Variants in N4BP2L2 observed in about 807,000 individuals in gnomAD.
N4BP2L2 encodes the protein NEDD4 binding protein 2 like 2.
A neutral mutation model predicts 56.2 loss-of-function variants in N4BP2L2; 50 were observed. That is an observed-to-expected ratio of 0.89 (90% CI 0.71 to 1.13). The LOEUF (loss-of-function observed/expected upper bound fraction) is 1.13, where lower values mean the gene tolerates loss of function less well. N4BP2L2 is among the 50% of genes most tolerant of loss of function. N4BP2L2 has a pLI of 0.00. For missense variants in N4BP2L2, 689 were observed against 693.8 expected (o/e 0.99, Z 0.08); for synonymous variants, 203 against 223.6 (o/e 0.91, Z 0.82).
chr13:32,499,019 T>A (rs1225354143), intron 6 of N4BP2L2, among the ~76,000 whole-genome samples: 1 of 151,540 alleles, frequency 6.6e-6, no homozygotes, highest in Non-Finnish European at 1.5e-5. Flanking sequence ...AAATTAAAAT[T>A]TAAAAAAGAA....
At chr13:32,503,172 CAAAAA>C (rs35773755) in intron 6 of N4BP2L2, among the ~76,000 whole-genome samples, 8 of 57,992 alleles carry the variant, frequency 1.4e-4, no homozygotes, top group Admixed American at 2.4e-4. Context: ...GACTCTGTAG[CAAAAA>C]AAAAAAAAAA....
chr13:32,449,001 C>T (rs1338433372), intron 6 of N4BP2L2, among the ~76,000 whole-genome samples: 1 of 152,156 alleles, frequency 6.6e-6, no homozygotes. Context: ...AATACCCCTC[C>T]TTGCAAAGTT....
At chr13:32,433,971 A>G (rs2075148514) in intron 9 of N4BP2L2, among the ~76,000 whole-genome samples, 1 of 151,042 alleles carries the variant, frequency 6.6e-6, no homozygotes, top group Non-Finnish European at 1.5e-5. Flanking sequence ...GAAAAAAAGA[A>G]AGGCAATGCT....
exon 2 of N4BP2L2, chr13:32,536,243 G>A (rs756001580): frequency 3.1e-6 from 5 of 1,613,764 alleles, no homozygotes; most frequent in Non-Finnish European, 4.2e-6. Context: ...CCTGAAAGAA[G>A]TAAATGAAGT....
intron 9 of N4BP2L2, among the ~76,000 whole-genome samples, chr13:32,435,457 C>T (rs1052725127): frequency 1.3e-5 from 2 of 152,204 alleles, no homozygotes; most frequent in Admixed American, 1.3e-4. Context: ...TGGTCTCGAA[C>T]TCCTGACTTC....
At chr13:32,471,921 G>A (rs777554324) in intron 6 of N4BP2L2, among the ~76,000 whole-genome samples, 2 of 152,144 alleles carry the variant, frequency 1.3e-5, no homozygotes, top group Non-Finnish European at 1.5e-5. Flanking sequence ...CTCACAAAAC[G>A]ATATCTAAGA....
intron 2 of N4BP2L2, among the ~76,000 whole-genome samples, chr13:32,528,294 T>G (rs897559672): frequency 1.3e-5 from 2 of 152,306 alleles, no homozygotes; most frequent in Non-Finnish European, 2.9e-5. Flanking sequence ...CTCATTTCCA[T>G]GAAGCATATA....
intron 8 of N4BP2L2, among the ~76,000 whole-genome samples, chr13:32,438,388 T>C (rs1305954357): frequency 6.6e-6 from 1 of 152,180 alleles, no homozygotes; most frequent in Non-Finnish European, 1.5e-5. Flanking sequence ...AAAAAGTTAA[T>C]CTCATAGAAG....
At chr13:32,481,118 CAAAAAAAAAAAAAAAAA>C (rs60854435) in intron 6 of N4BP2L2, among the ~76,000 whole-genome samples, 1 of 20,712 alleles carries the variant, frequency 4.8e-5, no homozygotes, top group Non-Finnish European at 8.2e-5. Flanking sequence ...GACTCTGTCT[CAAAAAAAAAAAAAAAAA>C]AAAAAAAAAA....
intron 7 of N4BP2L2, among the ~76,000 whole-genome samples, chr13:32,439,107 T>G (rs755403297): frequency 4.1e-4 from 62 of 152,244 alleles, no homozygotes; most frequent in Non-Finnish European, 1.6e-4. Flanking sequence ...TCAAGCTACA[T>G]TCTTTTTCCC....
chr13:32,458,857 G>A (rs998008720), intron 6 of N4BP2L2, among the ~76,000 whole-genome samples: 3 of 152,094 alleles, frequency 2.0e-5, no homozygotes, highest in African/African-American at 7.2e-5. Context: ...ATCAGCACAC[G>A]TAACATTCTC....
Position 32,463,890 on chromosome 13 carries a change from T to C in N4BP2L2, c.366-19764A>G, listed in dbSNP as rs2080707596. Among the ~76,000 whole-genome samples the C allele has an allele frequency of 5.4e-5, 6 of 111,400 alleles. No individual in the cohort carries two copies. The South Asian group carries it at 8.6e-4, about 16-fold the overall frequency. The allele number at this position is 111,400 out of a possible 152,430, so 73.1% of individuals were successfully genotyped here. A position where few individuals can be genotyped will look rare whatever the true frequency, so the allele number is the denominator to read the frequency against. ...AACAAAAACCAAGAGAGTTCACTAC[T>C]AGTAGAATGGCCCTACCTGCCCATG... is the stretch of plus-strand genomic sequence containing the variant. On this transcript the variant is annotated intron_variant, in intron 6 of 9. Coordinates refer to the N4BP2L2 transcript ENST00000357505.
downstream of N4BP2L2, chr13:32,507,190 G>A (rs896035920): frequency 6.6e-6 from 1 of 152,154 alleles, no homozygotes; most frequent in African/African-American, 2.4e-5. Context: ...TAGATAAAAG[G>A]TAAATCCATT....
intron 6 of N4BP2L2, among the ~76,000 whole-genome samples, chr13:32,472,750 A>G (rs551010348): frequency 6.6e-6 from 1 of 152,304 alleles, no homozygotes; most frequent in Non-Finnish European, 1.5e-5. Flanking sequence ...TGCCACTCTT[A>G]GCCAGCACTT....
intron 2 of N4BP2L2, among the ~76,000 whole-genome samples, chr13:32,533,504 A>T (rs1267797351): frequency 6.6e-6 from 1 of 151,290 alleles, no homozygotes; most frequent in Non-Finnish European, 1.5e-5. Context: ...TACCAAACAT[A>T]AGCATTACTA....
intron 2 of N4BP2L2, among the ~76,000 whole-genome samples, chr13:32,535,038 T>A (rs1454414844): frequency 6.6e-6 from 1 of 152,118 alleles, no homozygotes; most frequent in Non-Finnish European, 1.5e-5. Flanking sequence ...TTTTAAGAAA[T>A]CAAAAAAGGG....
At chr13:32,488,212 G>A (rs1014987794) in intron 6 of N4BP2L2, among the ~76,000 whole-genome samples, 8 of 152,136 alleles carry the variant, frequency 5.3e-5, no homozygotes, top group African/African-American at 1.4e-4. Context: ...TATACAACAC[G>A]GAATACTAGG....
intron 6 of N4BP2L2, among the ~76,000 whole-genome samples, chr13:32,503,750 T>A (rs977266610): frequency 1.3e-5 from 2 of 152,234 alleles, no homozygotes; most frequent in Non-Finnish European, 2.9e-5. Context: ...AAAGCTTCCT[T>A]AGAACTTAGT....
intron 6 of N4BP2L2, among the ~76,000 whole-genome samples, chr13:32,450,994 G>A (rs1413830211): frequency 6.6e-6 from 1 of 151,836 alleles, no homozygotes; most frequent in Non-Finnish European, 1.5e-5. Flanking sequence ...GGGAATACAG[G>A]TGTGAGCCAC....
Sources: gnomAD v4.1 joint callset for allele counts (sites outside exome capture counted in the v4.1 genomes callset) on GRCh38, gnomAD v4.1.1 for gene constraint, MANE v1.5 for transcripts, NCBI Gene and HGNC (gene_info 2026-07-23, HGNC 2026-07-21) for gene names.